Variants in FNIP1 observed in about 807,000 individuals in gnomAD.
FNIP1 encodes the protein folliculin interacting protein 1, also known as folliculin-interacting protein 1.
Under a neutral mutation model 124.5 loss-of-function variants are expected in FNIP1, and 40 were observed. The observed-to-expected ratio is 0.32, with a 90% CI of 0.25 to 0.42. The LOEUF is 0.42. Among genes scored for constraint, FNIP1 ranks in the 10% least tolerant of loss-of-function variants. The pLI is 1.00. For synonymous variants in FNIP1, 472 were observed against 470.6 expected (o/e 1.00, Z -0.04); for missense variants, 1,176 against 1,403.7 (o/e 0.84, Z 2.59).
chr5:131,706,561 GAAC>G lies in FNIP1; in HGVS notation c.779-18_779-16del, dbSNP rs758840148. ...GCTGAGAGATGCTGTTAAGTCAGAA[GAAC>G]AACAAGTATAAGTCAATAATGACTA... On this transcript the variant is annotated splice_polypyrimidine_tract_variant and intron_variant, in intron 8 of 17. Transcript: ENST00000510461. 38 of 1,547,684 alleles carry G rather than the reference GAAC, an allele frequency of 2.5e-5. No homozygotes were observed. The highest frequency in any genetic ancestry group is 3.1e-5 in the Non-Finnish European group (36 of 1,146,412).
intron 2 of FNIP1, among the ~76,000 whole-genome samples, chr5:131,740,387 G>T (rs1770474071): frequency 1.3e-5 from 2 of 152,290 alleles, no homozygotes; most frequent in South Asian, 2.1e-4. Context: ...ATGCTTCGGA[G>T]TGTTTCTCAT....
At chr5:131,711,285 T>TC (rs1225824071) in intron 6 of FNIP1, among the ~76,000 whole-genome samples, 1 of 152,132 alleles carries the variant, frequency 6.6e-6, no homozygotes, top group East Asian at 1.9e-4. Flanking sequence ...GGGACCAGAC[T>TC]CCCAGCTGTT....
At chr5:131,705,210 C>T (rs1769059238) in intron 9 of FNIP1, among the ~76,000 whole-genome samples, 1 of 151,996 alleles carries the variant, frequency 6.6e-6, no homozygotes, top group Non-Finnish European at 1.5e-5. Flanking sequence ...GTGCCTCATG[C>T]CTGTAATCCT....
intron 2 of FNIP1, among the ~76,000 whole-genome samples, chr5:131,732,786 G>C (rs1770142597): frequency 6.6e-6 from 1 of 152,066 alleles, no homozygotes; most frequent in African/African-American, 2.4e-5. Context: ...TTGTTCTTTT[G>C]GCTTAGGATT....
At chr5:131,658,127 C>T (rs1010401416) in intron 15 of FNIP1, among the ~76,000 whole-genome samples, 1 of 151,862 alleles carries the variant, frequency 6.6e-6, no homozygotes, top group Admixed American at 6.6e-5. Flanking sequence ...AAAGACAACT[C>T]GATAGAGACG....
At chr5:131,648,667 C>T (rs947410777) in intron 16 of FNIP1, among the ~76,000 whole-genome samples, 5 of 152,124 alleles carry the variant, frequency 3.3e-5, no homozygotes, top group Admixed American at 6.5e-5. Flanking sequence ...GACCACTTTA[C>T]AGTATATAAT....
intron 1 of FNIP1, among the ~76,000 whole-genome samples, chr5:131,777,227 C>T (rs185499931): frequency 1.2e-3 from 181 of 151,296 alleles, no homozygotes; most frequent in African/African-American, 4.3e-3. Flanking sequence ...AAAATTAAAA[C>T]AAAATTTAAT....
At chr5:131,709,948 G>C (rs546468471) in intron 7 of FNIP1, among the ~76,000 whole-genome samples, 1 of 152,232 alleles carries the variant, frequency 6.6e-6, no homozygotes, top group South Asian at 2.1e-4. Context: ...TCCACTAAAA[G>C]GTTACAATGT....
At chr5:131,789,180 A>G (rs1580842271) in intron 1 of FNIP1, among the ~76,000 whole-genome samples, 1 of 152,330 alleles carries the variant, frequency 6.6e-6, no homozygotes, top group South Asian at 2.1e-4. Flanking sequence ...CAAATACCAC[A>G]TGTCCTCACT....
In FNIP1 at chr5:131,767,427, CAAAAAAAAAAAAAAA is replaced by C. The variant is rs139550903; in HGVS notation, c.93-22752_93-22738del. On this transcript the variant is annotated intron_variant, in intron 1 of 17. Transcript: ENST00000510461. ...CTGGTGACAGAGTGAGATTCTGTCT[CAAAAAAAAAAAAAAA>C]AAAAAAAAAAAAAAGAAAAGAAATG... is the stretch of plus-strand genomic sequence containing the variant. 3.0e-3 allele frequency among the ~76,000 whole-genome samples: 193 copies of C among 64,056 alleles called. 2 individuals are homozygous for C. The East Asian group carries it at 0.07, about 23-fold the overall frequency. The allele number at this position is 64,056 out of a possible 152,430, so 42.0% of individuals were successfully genotyped here.
chr5:131,715,972 A>G (rs1183940640), intron 6 of FNIP1, among the ~76,000 whole-genome samples: 1 of 152,232 alleles, frequency 6.6e-6, no homozygotes, highest in African/African-American at 2.4e-5. Flanking sequence ...ATCGCAATAC[A>G]GCAGCAGTTC....
Position 131,672,582 on chromosome 5 carries a change from T to G in FNIP1, c.1862A>C (p.Asn621Thr). 1 of 1,614,160 alleles carries G rather than the reference T, an allele frequency of 6.2e-7. No homozygotes were observed. The highest frequency in any genetic ancestry group is 8.5e-7 in the Non-Finnish European group (1 of 1,180,034). ...KYCSHPLLGQ[N>T]VENISQQERE... ...CTCTTGTTGTGAAATGTTCTCTACA[T>G]TTTGCCCAAGGAGTGGATGACTGCA... Residue 621 changes from asparagine to threonine, a missense_variant, in exon 14 of 18, where the codon AAT becomes ACT. Around this residue, in one of 2 missense-constraint regions of FNIP1, gnomAD observed 1,109 missense variants for 1,288.5 expected, o/e 0.86. Transcript: ENST00000510461.
At chr5:131,792,312 C>G (rs1056895293) in intron 1 of FNIP1, among the ~76,000 whole-genome samples, 1 of 152,044 alleles carries the variant, frequency 6.6e-6, no homozygotes, top group Admixed American at 6.6e-5. Flanking sequence ...AGGCGCCCGC[C>G]ACCACACCCA....
At position 131,765,329 on chromosome 5, in the gene FNIP1, C is replaced by G. The variant is rs183119816; in HGVS notation, c.93-20639G>C. On this transcript the variant is annotated intron_variant, in intron 1 of 17. Coordinates refer to ENST00000510461, the MANE Select transcript of FNIP1 (RefSeq NM_133372.3). ...TTTCCTTTTCTATTGATTCATATTA[C>G]ATGGGTTTATAGATTCAGCTATAAA... Among the ~76,000 whole-genome samples the G allele has an allele frequency of 2.6e-5, 4 of 152,242 alleles. No individual in the cohort carries two copies. The East Asian group carries it at 7.7e-4, about 29-fold the overall frequency.
At chr5:131,756,588 G>A (rs527529825) in intron 1 of FNIP1, among the ~76,000 whole-genome samples, 8 of 152,136 alleles carry the variant, frequency 5.3e-5, no homozygotes, top group Non-Finnish European at 8.8e-5. Flanking sequence ...ACAGTATCCC[G>A]GGCAAGGGTG....
intron 15 of FNIP1, among the ~76,000 whole-genome samples, chr5:131,658,034 C>T (rs1010735606): frequency 2.1e-5 from 3 of 143,066 alleles, no homozygotes; most frequent in Non-Finnish European, 4.5e-5. Flanking sequence ...GAGCAAGACT[C>T]CATCTCAAAA....
chr5:131,650,097 T>C (rs1281114988), intron 16 of FNIP1, among the ~76,000 whole-genome samples: 1 of 152,176 alleles, frequency 6.6e-6, no homozygotes, highest in East Asian at 1.9e-4. Context: ...TTTTATCTCT[T>C]TGGGGTCTCT....
At chr5:131,783,043 C>T (rs1772048402) in intron 1 of FNIP1, among the ~76,000 whole-genome samples, 1 of 152,226 alleles carries the variant, frequency 6.6e-6, no homozygotes, top group Admixed American at 6.5e-5. Context: ...TAACAGACTA[C>T]AGCGTAGTGT....
At chr5:131,750,876 G>A (rs1770851429) in intron 1 of FNIP1, among the ~76,000 whole-genome samples, 1 of 152,152 alleles carries the variant, frequency 6.6e-6, no homozygotes. Flanking sequence ...CAGGTAGCAC[G>A]AGCTACCACA....
Sources: allele counts gnomAD v4.1 joint callset (sites outside exome capture counted in the v4.1 genomes callset), GRCh38; gene constraint gnomAD v4.1.1; regional missense constraint gnomAD v4.1.1; transcripts MANE v1.5; gene names NCBI Gene and HGNC (gene_info 2026-07-23, HGNC 2026-07-21).